Variants in TGS1 observed in about 807,000 individuals in gnomAD.
The protein encoded by TGS1 is trimethylguanosine synthase 1, also known as trimethylguanosine synthase.
A neutral mutation model predicts 92.2 loss-of-function variants in TGS1; 69 were observed. The observed-to-expected ratio is 0.75, with a 90% CI of 0.62 to 0.91. The LOEUF (loss-of-function observed/expected upper bound fraction) is 0.91. Ranked by LOEUF, TGS1 falls within the 40% of genes least tolerant of loss-of-function variation. TGS1 has a pLI of 0.00. For synonymous variants in TGS1, 345 were observed against 338.1 expected, an observed-to-expected ratio of 1.02 and a Z score of -0.22; for missense variants, 1,062 against 1,001.2, an observed-to-expected ratio of 1.06 and a Z score of -0.82.
intron 1 of TGS1, among the ~76,000 whole-genome samples, chr8:55,774,379 A>T (rs1461046974): frequency 6.6e-6 from 1 of 152,190 alleles, no homozygotes; most frequent in Non-Finnish European, 1.5e-5. Context: ...TTAATCTCAC[A>T]TGCTTATTTT....
chr8:55,794,481 A>C (rs1811982643), intron 6 of TGS1, among the ~76,000 whole-genome samples: 1 of 152,226 alleles, frequency 6.6e-6, no homozygotes, highest in Non-Finnish European at 1.5e-5. Flanking sequence ...ATAAAGCAAC[A>C]GTGCAGGTGC....
intron 9 of TGS1, among the ~76,000 whole-genome samples, 188 bp downstream of exon 9, chr8:55,802,794 C>G (rs1382033759): frequency 2.0e-5 from 3 of 152,276 alleles, no homozygotes; most frequent in Admixed American, 1.3e-4. Flanking sequence ...CTGATCAGTA[C>G]TTAACACACA....
intron 12 of TGS1, among the ~76,000 whole-genome samples, chr8:55,822,076 CTT>C (rs1323862618): frequency 6.9e-6 from 1 of 144,504 alleles, no homozygotes; most frequent in Admixed American, 6.9e-5. Flanking sequence ...TTCTTTCTTT[CTT>C]TTTTTTTTTG....
intron 10 of TGS1, among the ~76,000 whole-genome samples, chr8:55,805,340 G>T (rs988540122): frequency 1.3e-5 from 2 of 151,944 alleles, no homozygotes. Context: ...AAAGAAACTC[G>T]CAGATGAATC....
At chr8:55,782,022 G>A (rs139604586) in intron 1 of TGS1, among the ~76,000 whole-genome samples, 132 of 152,230 alleles carry the variant, frequency 8.7e-4, no homozygotes, top group Middle Eastern at 3.4e-3. Flanking sequence ...AAATGGATTA[G>A]TGTCTGCATA....
chr8:55,785,365 T>C (rs190181747), intron 2 of TGS1, among the ~76,000 whole-genome samples: 2,706 of 152,128 alleles, frequency 0.018, 97 homozygotes, highest in African/African-American at 0.063. Flanking sequence ...ATACCGTCAA[T>C]TGTTTTTTTG....
intron 9 of TGS1, among the ~76,000 whole-genome samples, 153 bp downstream of exon 9, chr8:55,802,759 C>T (rs550543551): frequency 6.6e-6 from 1 of 152,312 alleles, no homozygotes; most frequent in East Asian, 1.9e-4. Context: ...ATTCTCTCTC[C>T]ATATGTATGT....
Position 55,814,960 on chromosome 8 carries a change from A to G in TGS1, c.2439+1842A>G, listed in dbSNP as rs190159267. Among the ~76,000 whole-genome samples, 76 of 152,148 alleles carry G rather than the reference A, an allele frequency of 5.0e-4. 1 individual carries two copies. The Middle Eastern group carries it at 0.014, about 27-fold the overall frequency. On this transcript the variant is annotated intron_variant, in intron 12 of 12. Transcript: ENST00000260129. ...CATATGATTCAGAGCTGCTTTCTAG[A>G]CTGCCAGATAAGGTTGAGCCTAACA... is the stretch of plus-strand genomic sequence containing the variant.
At chr8:55,818,263 C>T (rs991647634) in intron 12 of TGS1, among the ~76,000 whole-genome samples, 1 of 152,160 alleles carries the variant, frequency 6.6e-6, no homozygotes, top group African/African-American at 2.4e-5. Flanking sequence ...CTGCAGCCTC[C>T]CAGACTGAAA....
At chr8:55,819,829 CTTTGT>C (rs1311431406) in intron 12 of TGS1, among the ~76,000 whole-genome samples, 1 of 152,138 alleles carries the variant, frequency 6.6e-6, no homozygotes, top group Non-Finnish European at 1.5e-5. Flanking sequence ...GTTTTGCCAA[CTTTGT>C]TTTATTTTCA....
At chr8:55,814,504 T>C (rs1803418684) in intron 12 of TGS1, among the ~76,000 whole-genome samples, 1 of 151,576 alleles carries the variant, frequency 6.6e-6, no homozygotes, top group Non-Finnish European at 1.5e-5. Context: ...CCTCCCAAAA[T>C]ATTAATAGTA....
chr8:55,820,337 A>G (rs1443863924), intron 12 of TGS1, among the ~76,000 whole-genome samples: 1 of 152,266 alleles, frequency 6.6e-6, no homozygotes, highest in Admixed American at 6.5e-5. Flanking sequence ...ACCTGAGGTC[A>G]GGAGTTTTGA....
chr8:55,791,660 ACT>A (rs1449767154), intron 5 of TGS1, among the ~76,000 whole-genome samples: 2 of 151,918 alleles, frequency 1.3e-5, no homozygotes, highest in Non-Finnish European at 2.9e-5. Flanking sequence ...CCTCAGTGAA[ACT>A]CTAACCTTTT....
intron 3 of TGS1, 110 bp downstream of exon 3, chr8:55,786,001 C>G (rs1811699167): frequency 1.2e-6 from 1 of 867,806 alleles, no homozygotes; most frequent in African/African-American, 1.7e-5. Flanking sequence ...CGCTCTCTAC[C>G]TCTTTTTAAA....
intron 6 of TGS1, among the ~76,000 whole-genome samples, chr8:55,794,753 T>A (rs189361273): frequency 6.6e-6 from 1 of 152,218 alleles, no homozygotes; most frequent in Admixed American, 6.5e-5. Flanking sequence ...GTACATGACA[T>A]GAAGACTAAA....
chr8:55,807,458 A>G (rs930099917), intron 10 of TGS1, among the ~76,000 whole-genome samples: 4 of 152,058 alleles, frequency 2.6e-5, no homozygotes, highest in Non-Finnish European at 4.4e-5. Context: ...TGGGTTGAAG[A>G]AGTTGAACAT....
intron 10 of TGS1, among the ~76,000 whole-genome samples, chr8:55,810,561 A>ACAGCACAATGGTG (rs1426778806): frequency 2.0e-5 from 3 of 152,244 alleles, no homozygotes; most frequent in African/African-American, 7.2e-5. Flanking sequence ...AGGCTGTAGC[A>ACAGCACAATGGTG]CAGCACAATG....
intron 8 of TGS1, among the ~76,000 whole-genome samples, chr8:55,800,983 T>G (rs1340897219): frequency 6.6e-6 from 1 of 152,124 alleles, no homozygotes; most frequent in Non-Finnish European, 1.5e-5. Context: ...CTGATAAAAA[T>G]TATTTAAGGA....
chr8:55,786,640 T>C lies in TGS1; in HGVS notation c.742T>C (p.Tyr248His). Residue 248 changes from tyrosine to histidine, a missense_variant, in exon 4 of 13, where the codon TAT becomes CAT. Transcript: ENST00000260129. ...ACATTATAGTCAACTTTATTGGTAT[T>C]ATTTGGAACAATTTCAGTATTGGGA... ...EQHYSQLYWYYLEQFQYWEAQ... is the reference protein window; with the variant it reads ...EQHYSQLYWYHLEQFQYWEAQ... 6.2e-7 allele frequency: 1 copy of C among 1,614,180 alleles called. No individual in the cohort carries two copies. Among genetic ancestry groups the C allele is most frequent in the Non-Finnish European group, 8.5e-7 (1 of 1,180,034 alleles).
Sources: allele counts gnomAD v4.1 joint callset (sites outside exome capture counted in the v4.1 genomes callset), GRCh38; gene constraint gnomAD v4.1.1; transcripts MANE v1.5; gene names NCBI Gene and HGNC (gene_info 2026-07-23, HGNC 2026-07-21).